The following RAPGEF2 variants were observed in gnomAD, a reference collection of about 807,000 sequenced individuals.
The protein encoded by RAPGEF2 is Rap guanine nucleotide exchange factor 2.
In RAPGEF2, 54 loss-of-function variants were observed where a neutral mutation model predicts 186.7. That is an observed-to-expected ratio of 0.29 (90% CI 0.23 to 0.36). The LOEUF (loss-of-function observed/expected upper bound fraction) is 0.36, where lower values mean the gene tolerates loss of function less well. Among genes scored for constraint, RAPGEF2 ranks in the 10% least tolerant of loss-of-function variants. The pLI, the probability that RAPGEF2 is intolerant of heterozygous loss-of-function variation, is 1.00. For synonymous variants in RAPGEF2, 712 were observed against 705.9 expected, an observed-to-expected ratio of 1.01 and a Z score of -0.14; for missense variants, 1,532 against 2,045.0, an observed-to-expected ratio of 0.75 and a Z score of 4.84.
At position 159,259,911 on chromosome 4, in the gene RAPGEF2, T is replaced by G. The variant is rs189324452; in HGVS notation, c.543+16120T>G. Among the ~76,000 whole-genome samples, 1,198 of 152,284 alleles carry G rather than the reference T, an allele frequency of 7.9e-3. 9 individuals are homozygous for G. The highest frequency in any genetic ancestry group is 0.012 in the Non-Finnish European group (842 of 68,020). ...AAATCATCTTTAATCCATTTCTAAGTTTGGCAACTTTTAATTTTTAAGGAT... is the reference window on the plus strand; with the variant it reads ...AAATCATCTTTAATCCATTTCTAAGGTTGGCAACTTTTAATTTTTAAGGAT... On this transcript the variant is annotated intron_variant, in intron 7 of 29. Transcript: ENST00000691494.
intron 19 of RAPGEF2, among the ~76,000 whole-genome samples, chr4:159,340,739 C>G (rs2348167): frequency 0.6 from 54,039 of 90,412 alleles, 20,294 homozygotes; most frequent in African/African-American, 0.82. Flanking sequence ...AAGCATGTGT[C>G]TAAAAAACAA....
At chr4:159,294,608 C>A (rs745877949) in intron 7 of RAPGEF2, among the ~76,000 whole-genome samples, 45 of 149,420 alleles carry the variant, frequency 3.0e-4, no homozygotes, top group Middle Eastern at 3.5e-3. Context: ...TTTGGACAAG[C>A]CACTTGAGCT....
chr4:159,259,621 C>A (rs1489849875), intron 7 of RAPGEF2, among the ~76,000 whole-genome samples: 1 of 152,060 alleles, frequency 6.6e-6, no homozygotes, highest in Admixed American at 6.6e-5. Flanking sequence ...ATAAGGAAAG[C>A]CAAAATCTTG....
chr4:159,241,252 A>G lies in RAPGEF2; in HGVS notation c.409A>G (p.Arg137Gly), dbSNP rs1194186679. 1 of 1,534,382 alleles carries G rather than the reference A, an allele frequency of 6.5e-7. No individual in the cohort carries two copies. Among genetic ancestry groups the G allele is most frequent in the Non-Finnish European group, 8.7e-7 (1 of 1,145,826 alleles). Reference sequence around the variant, plus strand: ...ATATTTTCAGCGGCAAGCTTCCCATAGACAGTCTCGAAGGAGATTTAGAAA... The same window carrying G: ...ATATTTTCAGCGGCAAGCTTCCCATGGACAGTCTCGAAGGAGATTTAGAAA... Reference protein sequence around the residue: ...EEYFQRQASHRQSRRRFRKIN... With the variant: ...EEYFQRQASHGQSRRRFRKIN... The change falls in exon 6 of 30, where the codon AGA (arginine) becomes GGA (glycine). Residue 137 changes from arginine to glycine, a missense_variant. Arg to Gly is a moderately radical substitution (Grantham distance 125, BLOSUM62 -2). Around this residue, in one of 4 missense-constraint regions of RAPGEF2, gnomAD observed 810 missense variants for 1,210.5 expected, o/e 0.67. Coordinates refer to ENST00000691494, the MANE Select transcript of RAPGEF2 (RefSeq NM_001394067.2).
At chr4:159,114,273 TTTG>T (rs775709001) in intron 1 of RAPGEF2, among the ~76,000 whole-genome samples, 19 of 152,026 alleles carry the variant, frequency 1.2e-4, no homozygotes, top group Admixed American at 9.2e-4. Context: ...CCAGCTAATT[TTTG>T]TATTTTTAGT....
intron 4 of RAPGEF2, among the ~76,000 whole-genome samples, chr4:159,219,347 CTTTTTTTT>C (rs70962664): frequency 4.9e-5 from 4 of 81,448 alleles, no homozygotes; most frequent in African/African-American, 2.3e-4. Context: ...CAACTGTATC[CTTTTTTTT>C]TTTTTTTTTT....
chr4:159,219,660 T>G (rs1751346103), intron 4 of RAPGEF2, among the ~76,000 whole-genome samples: 1 of 152,170 alleles, frequency 6.6e-6, no homozygotes, highest in Admixed American at 6.5e-5. Context: ...CAGCCATAAC[T>G]TTATCTTTGA....
At chr4:159,197,350 G>T (rs527241672) in intron 3 of RAPGEF2, among the ~76,000 whole-genome samples, 8 of 152,324 alleles carry the variant, frequency 5.3e-5, no homozygotes, top group African/African-American at 1.4e-4. Context: ...CGGAAATACT[G>T]TTTAATATAT....
intron 2 of RAPGEF2, 115 bp from the exon 3 acceptor site, chr4:159,193,085 G>T: frequency 2.2e-6 from 1 of 464,246 alleles, no homozygotes; most frequent in South Asian, 9.8e-5. Context: ...AAATGATTGT[G>T]ACAAACCATA....
chr4:159,308,887 G>A (rs1030997201), intron 8 of RAPGEF2, among the ~76,000 whole-genome samples: 1 of 152,130 alleles, frequency 6.6e-6, no homozygotes, highest in Non-Finnish European at 1.5e-5. Context: ...AGGGTTGGCA[G>A]GTAGAGAGTT....
intron 7 of RAPGEF2, among the ~76,000 whole-genome samples, chr4:159,280,217 A>C (rs1759508125): frequency 1.3e-5 from 2 of 152,180 alleles, no homozygotes; most frequent in Admixed American, 1.3e-4. Flanking sequence ...ATATAGCCGG[A>C]TGAAGGAGTT....
intron 1 of RAPGEF2, among the ~76,000 whole-genome samples, chr4:159,154,694 G>A (rs1042032364): frequency 3.3e-5 from 5 of 152,070 alleles, no homozygotes; most frequent in Non-Finnish European, 5.9e-5. Flanking sequence ...GATTGACTAT[G>A]GAGATTTTAG....
intron 1 of RAPGEF2, among the ~76,000 whole-genome samples, chr4:159,114,441 A>C (rs192029454): frequency 6.6e-6 from 1 of 151,864 alleles, no homozygotes; most frequent in East Asian, 1.9e-4. Context: ...CTTGCTATTT[A>C]GCCCAGGCTG....
chr4:159,344,450 T>C (rs1051467060), intron 23 of RAPGEF2, among the ~76,000 whole-genome samples: 1 of 152,188 alleles, frequency 6.6e-6, no homozygotes, highest in Non-Finnish European at 1.5e-5. Flanking sequence ...GAGAAATAAA[T>C]ATATTTAATA....
chr4:159,311,638 A>G (rs1016373888), intron 8 of RAPGEF2, among the ~76,000 whole-genome samples: 6 of 152,180 alleles, frequency 3.9e-5, no homozygotes, highest in Non-Finnish European at 8.8e-5. Context: ...CATGAATAGT[A>G]GAGGTGAGAT....
intron 7 of RAPGEF2, among the ~76,000 whole-genome samples, chr4:159,291,818 G>T (rs1022833867): frequency 6.6e-6 from 1 of 150,842 alleles, no homozygotes; most frequent in African/African-American, 2.4e-5. Flanking sequence ...GATGTAAGTT[G>T]TAATGAATAT....
At position 159,346,953 on chromosome 4, in the gene RAPGEF2, T is replaced by A. The variant is rs1009077320; in HGVS notation, c.3667T>A (p.Tyr1223Asn). ...QGLQVPAVSL[Y>N]PSRKKVPVKD... ...ACTACAGGTTCCCGCCGTGTCCCTT[T>A]ATCCTTCACGGAAGAAAGTGCCCGT... Residue 1223 changes from tyrosine to asparagine, a missense_variant, in exon 25 of 30, where the codon TAT becomes AAT. Transcript: ENST00000691494. 6 of 1,614,226 alleles carry A rather than the reference T, an allele frequency of 3.7e-6. No individual in the cohort carries two copies. In the African/African-American group the frequency reaches 6.7e-5, roughly 18 times the overall value.
intron 1 of RAPGEF2, among the ~76,000 whole-genome samples, chr4:159,146,444 T>G (rs190073309): frequency 1.2e-3 from 176 of 152,240 alleles, no homozygotes; most frequent in African/African-American, 4.1e-3. Context: ...TTTAAATCTT[T>G]GAAGAACTCA....
chr4:159,206,602 C>G (rs577453206), intron 3 of RAPGEF2, among the ~76,000 whole-genome samples: 1 of 152,312 alleles, frequency 6.6e-6, no homozygotes, highest in South Asian at 2.1e-4. Flanking sequence ...CCAGTGACAG[C>G]TAGCTGCACT....
Sources: gnomAD v4.1 joint callset for allele counts (sites outside exome capture counted in the v4.1 genomes callset) on GRCh38, gnomAD v4.1.1 for gene constraint, gnomAD v4.1.1 regional missense constraint, MANE v1.5 for transcripts, NCBI Gene and HGNC (gene_info 2026-07-23, HGNC 2026-07-21) for gene names.